The following TM9SF3 variants were observed in gnomAD, a reference collection of about 807,000 sequenced individuals.
TM9SF3 encodes the protein transmembrane 9 superfamily member 3.
Under a neutral mutation model 78.6 loss-of-function variants are expected in TM9SF3, and 14 were observed. The observed-to-expected ratio is 0.18, with a 90% confidence interval of 0.12 to 0.28. The LOEUF is 0.28. Among genes scored for constraint, TM9SF3 ranks in the 10% least tolerant of loss-of-function variants. The pLI, the probability that TM9SF3 is intolerant of heterozygous loss-of-function variation, is 1.00. For synonymous variants in TM9SF3, 231 were observed against 241.7 expected, an observed-to-expected ratio of 0.96 and a Z score of 0.41; for missense variants, 496 against 721.9, an observed-to-expected ratio of 0.69 and a Z score of 3.59.
chr10:96,585,554 G>A (rs1219806179), intron 1 of TM9SF3, among the ~76,000 whole-genome samples: 1 of 152,218 alleles, frequency 6.6e-6, no homozygotes, highest in Admixed American at 6.5e-5. Context: ...GTTTCTGGCT[G>A]TGACCGAAGG....
intron 1 of TM9SF3, among the ~76,000 whole-genome samples, chr10:96,585,230 T>C (rs1297801810): frequency 3.3e-5 from 5 of 152,128 alleles, no homozygotes; most frequent in African/African-American, 1.2e-4. Flanking sequence ...TATGGTAACT[T>C]TTCCTAAGTG....
Position 96,527,501 on chromosome 10 carries a change from TGGG to T in TM9SF3, c.1542-8_1542-6del, listed in dbSNP as rs755189893. On this transcript the variant is annotated splice_polypyrimidine_tract_variant and splice_region_variant and intron_variant, in intron 12 of 14. Coordinates refer to ENST00000371142, the MANE Select transcript of TM9SF3 (RefSeq NM_020123.4). ...GAGAGAAAACTTGTCCATTGCCTGGTGGGGGGAGGGGGAAAGAAGATAAATCTC... is the reference window on the plus strand; with the variant it reads ...GAGAGAAAACTTGTCCATTGCCTGGTGGGAGGGGGAAAGAAGATAAATCTC... 6.2e-7 allele frequency: 1 copy of T among 1,603,566 alleles called. No homozygotes were observed. Among genetic ancestry groups the T allele is most frequent in the Admixed American group, 1.7e-5 (1 of 59,092 alleles).
At chr10:96,542,161 G>A (rs1308694352) in intron 9 of TM9SF3, among the ~76,000 whole-genome samples, 1 of 152,168 alleles carries the variant, frequency 6.6e-6, no homozygotes, top group Non-Finnish European at 1.5e-5. Flanking sequence ...GAAGAGCTGG[G>A]TGAAACATTC....
chr10:96,581,073 T>A (rs1265156165), intron 1 of TM9SF3, among the ~76,000 whole-genome samples: 2 of 152,190 alleles, frequency 1.3e-5, no homozygotes, highest in Non-Finnish European at 2.9e-5. Flanking sequence ...CTTTTCTATG[T>A]GAGCCTTTAA....
intron 9 of TM9SF3, among the ~76,000 whole-genome samples, chr10:96,542,632 A>G (rs1848048204): frequency 6.6e-6 from 1 of 152,202 alleles, no homozygotes; most frequent in African/African-American, 2.4e-5. Flanking sequence ...GCACTATGAA[A>G]ATAATCAATT....
chr10:96,568,718 T>C (rs1193041037), intron 2 of TM9SF3, among the ~76,000 whole-genome samples: 2 of 152,008 alleles, frequency 1.3e-5, no homozygotes, highest in African/African-American at 4.8e-5. Flanking sequence ...AAGTCTCTCT[T>C]CAAAGAAATC....
At position 96,520,501 on chromosome 10, in the gene TM9SF3, C is replaced by T. The variant is rs543804434; in HGVS notation, c.*1762G>A. On this transcript the variant is annotated 3_prime_UTR_variant, in exon 15 of 15. Coordinates refer to ENST00000371142, the MANE Select transcript of TM9SF3 (RefSeq NM_020123.4). ...AAACATCTTGTGTAACTATTAATTGCATGATTTTCATATTAAGGTTTAAAT... is the reference window on the plus strand; with the variant it reads ...AAACATCTTGTGTAACTATTAATTGTATGATTTTCATATTAAGGTTTAAAT... The T allele has an allele frequency of 1.1e-5, 2 of 176,096 alleles. No individual in the cohort carries two copies. Among genetic ancestry groups the T allele is most frequent in the Non-Finnish European group, 2.4e-5 (2 of 84,290 alleles). 10.9% of individuals were successfully genotyped at this position (176,096 alleles called of 1,614,324 possible).
At chr10:96,522,880 T>C (rs771464405) in intron 14 of TM9SF3, among the ~76,000 whole-genome samples, 1 of 151,830 alleles carries the variant, frequency 6.6e-6, no homozygotes, top group Non-Finnish European at 1.5e-5. Context: ...GTAGTAGGGA[T>C]GACATATTTG....
Position 96,521,047 on chromosome 10 carries a change from T to C in TM9SF3, c.*1216A>G. The stretch of plus-strand genomic sequence containing the variant: ...TAATGCTTTAGATGTTACTTAAGTG[T>C]CCCAGACAGGATTAACAAAATTAAG... On this transcript the variant is annotated 3_prime_UTR_variant, in exon 15 of 15. Coordinates refer to ENST00000371142, the MANE Select transcript of TM9SF3 (RefSeq NM_020123.4). The C allele has an allele frequency of 2.5e-6, 1 of 393,210 alleles. No homozygotes were observed. The highest frequency in any genetic ancestry group is 4.5e-6 in the Non-Finnish European group (1 of 221,858). 24.4% of individuals were successfully genotyped at this position (393,210 alleles called of 1,614,324 possible). A position where few individuals can be genotyped will look rare whatever the true frequency, so the allele number is the denominator to read the frequency against.
chr10:96,542,565 T>C (rs1391223274), intron 9 of TM9SF3, among the ~76,000 whole-genome samples: 1 of 152,202 alleles, frequency 6.6e-6, no homozygotes, highest in Non-Finnish European at 1.5e-5. Flanking sequence ...TTTACCAATA[T>C]CAAATTCAAA....
chr10:96,527,143 A>G (rs1847847699), intron 14 of TM9SF3, 70 bp downstream of exon 14: 1 of 1,335,480 alleles, frequency 7.5e-7, no homozygotes, highest in Non-Finnish European at 1.0e-6. Context: ...CTTAATTTCC[A>G]ATTACTGTAT....
intron 9 of TM9SF3, 77 bp downstream of exon 9, chr10:96,543,999 G>T: frequency 7.0e-7 from 1 of 1,430,282 alleles, no homozygotes; most frequent in Non-Finnish European, 9.4e-7. Context: ...CTAATAAGAA[G>T]TATTTTGGAG....
intron 2 of TM9SF3, among the ~76,000 whole-genome samples, chr10:96,575,522 G>T (rs912525575): frequency 1.3e-5 from 2 of 151,880 alleles, no homozygotes; most frequent in African/African-American, 2.4e-5. Flanking sequence ...CAATAACTGA[G>T]CAATTTTAAA....
chr10:96,560,958 A>G, intron 4 of TM9SF3: 1 of 469,352 alleles, frequency 2.1e-6, no homozygotes. Context: ...AATTAAGCCC[A>G]AAGATGGGGA....
Position 96,544,214 on chromosome 10 carries a change from G to A in TM9SF3, c.1055-8C>T. 6.4e-7 allele frequency: 1 copy of A among 1,560,514 alleles called. No homozygotes were observed. The highest frequency in any genetic ancestry group is 8.6e-7 in the Non-Finnish European group (1 of 1,160,722). On this transcript the variant is annotated splice_region_variant and splice_polypyrimidine_tract_variant and intron_variant, in intron 8 of 14. Coordinates refer to ENST00000371142, the MANE Select transcript of TM9SF3 (RefSeq NM_020123.4). ...GCTTTATCCATCTCCTTCCTGAAAA[G>A]AAAGGAAACTATGAAAGTTTAATAT...
intron 9 of TM9SF3, among the ~76,000 whole-genome samples, chr10:96,538,140 A>G (rs942917111): frequency 2.6e-5 from 4 of 152,252 alleles, no homozygotes; most frequent in African/African-American, 7.2e-5. Flanking sequence ...AATCAAGACA[A>G]TGTGGTATTA....
chr10:96,527,316 A>C, intron 13 of TM9SF3, 27 bp from the exon 14 acceptor site: 2 of 1,600,458 alleles, frequency 1.2e-6, no homozygotes, highest in Non-Finnish European at 1.7e-6. Flanking sequence ...TATATATAGG[A>C]TATCCAGTTT....
chr10:96,565,473 G>A, intron 2 of TM9SF3, 47 bp from the exon 3 acceptor site: 3 of 1,475,328 alleles, frequency 2.0e-6, no homozygotes, highest in South Asian at 1.4e-5. Context: ...TTGCAAAATA[G>A]TTACATTAAA....
In TM9SF3 at chr10:96,546,333, G is replaced by A. The variant is rs1589452077; in HGVS notation, c.1054+1562C>T. ...TAAGACTTGATATTCCTAGACCTGA[G>A]CCTGAACTCTGTCAGCTTTCAAGAA... On this transcript the variant is annotated intron_variant, in intron 8 of 14. Coordinates refer to ENST00000371142, the MANE Select transcript of TM9SF3 (RefSeq NM_020123.4). 2.0e-5 allele frequency among the ~76,000 whole-genome samples: 3 copies of A among 152,106 alleles called. No individual in the cohort carries two copies. The South Asian group carries it at 6.2e-4, about 32-fold the overall frequency.
Sources: allele counts gnomAD v4.1 joint callset (sites outside exome capture counted in the v4.1 genomes callset), GRCh38; gene constraint gnomAD v4.1.1; transcripts MANE v1.5; gene names NCBI Gene and HGNC (gene_info 2026-07-23, HGNC 2026-07-21).